AGBL1: variants seen among roughly 807,000 people sequenced by gnomAD.
AGBL1 encodes the protein AGBL carboxypeptidase 1.
Under a neutral mutation model 118.9 loss-of-function variants are expected in AGBL1, and 130 were observed. The ratio of observed to expected loss-of-function variants is 1.09; its 90% CI spans 0.95 to 1.26. AGBL1 has a LOEUF of 1.26. Ranked by LOEUF, AGBL1 falls within the 50% of genes most tolerant of loss-of-function variation. The probability of loss-of-function intolerance (pLI) is 0.00; values close to 1 mark genes in which losing one functional copy is unlikely to be tolerated. For synonymous variants in AGBL1, 555 were observed against 478.9 expected (o/e 1.16, Z -2.08); for missense variants, 1,584 against 1,298.1 (o/e 1.22, Z -3.38).
chr15:86,612,142 G>C (rs1205549844), intron 21 of AGBL1, among the ~76,000 whole-genome samples: 1 of 151,978 alleles, frequency 6.6e-6, no homozygotes, highest in Non-Finnish European at 1.5e-5. Flanking sequence ...TCACTTTTTG[G>C]GAGATTGTAG....
At chr15:86,556,935 A>G (rs1158356634) in intron 21 of AGBL1, among the ~76,000 whole-genome samples, 1 of 152,190 alleles carries the variant, frequency 6.6e-6, no homozygotes, top group Non-Finnish European at 1.5e-5. Context: ...CCTGATTTGT[A>G]AGTATTGAAA....
chr15:86,088,714 C>A (rs1258317100), intron 1 of AGBL1, among the ~76,000 whole-genome samples: 1 of 152,134 alleles, frequency 6.6e-6, no homozygotes, highest in Admixed American at 6.5e-5. Context: ...TACTATATTT[C>A]TTTACTAAAG....
intron 1 of AGBL1, 34 bp downstream of exon 1, chr15:86,080,057 G>C: frequency 1.6e-6 from 2 of 1,230,760 alleles, no homozygotes; most frequent in Non-Finnish European, 2.0e-6. Flanking sequence ...AGAACCCGGC[G>C]GGCTGGGTGT....
At chr15:86,146,872 C>T (rs1356381282) in intron 3 of AGBL1, among the ~76,000 whole-genome samples, 1 of 152,144 alleles carries the variant, frequency 6.6e-6, no homozygotes. Context: ...TCCAGAGGTA[C>T]ATATCAGTAA....
intron 22 of AGBL1, among the ~76,000 whole-genome samples, chr15:86,763,932 A>C (rs2078061337): frequency 6.6e-6 from 1 of 152,076 alleles, no homozygotes; most frequent in African/African-American, 2.4e-5. Context: ...TCTATTGTGA[A>C]TATCTGGAGA....
intron 3 of AGBL1, among the ~76,000 whole-genome samples, chr15:86,153,661 A>T (rs1363759436): frequency 2.0e-5 from 3 of 152,298 alleles, no homozygotes; most frequent in South Asian, 4.1e-4. Flanking sequence ...ATTATTTTTT[A>T]AAAAAGAAAG....
In AGBL1 at chr15:86,556,109, C is replaced by T. The variant is rs372368517; in HGVS notation, c.2994+1572C>T. On this transcript the variant is annotated intron_variant, in intron 21 of 22. Transcript: ENST00000614907. Reference sequence around the variant, plus strand: ...AATTCAAACAAACAGCTTCTAGTCACGTAAGTATCAGTGCCATTCACAATA... The same window carrying T: ...AATTCAAACAAACAGCTTCTAGTCATGTAAGTATCAGTGCCATTCACAATA... 2.9e-4 allele frequency: 216 copies of T among 748,084 alleles called. No homozygotes were observed. In the African/African-American group the frequency reaches 3.3e-3, roughly 11 times the overall value. The allele number at this position is 748,084 out of a possible 1,614,324, so 46.3% of individuals were successfully genotyped here.
chr15:86,886,561 T>G (rs1325218589), intron 22 of AGBL1, among the ~76,000 whole-genome samples: 1 of 152,174 alleles, frequency 6.6e-6, no homozygotes, highest in Non-Finnish European at 1.5e-5. Flanking sequence ...ATAAGAACCA[T>G]AAGGATTATG....
At chr15:86,347,773 T>G (rs2141894602) in intron 17 of AGBL1, among the ~76,000 whole-genome samples, 1 of 152,334 alleles carries the variant, frequency 6.6e-6, no homozygotes, top group Non-Finnish European at 1.5e-5. Flanking sequence ...GAATTTGAGC[T>G]TCATATCCCC....
intron 17 of AGBL1, among the ~76,000 whole-genome samples, chr15:86,355,897 C>G (rs776852782): frequency 2.6e-5 from 4 of 152,166 alleles, no homozygotes; most frequent in African/African-American, 2.4e-5. Context: ...ACAGCTCCTG[C>G]TTCATTCTTT....
At chr15:86,720,254 C>T (rs1054011613) in intron 22 of AGBL1, among the ~76,000 whole-genome samples, 2 of 152,146 alleles carry the variant, frequency 1.3e-5, no homozygotes, top group African/African-American at 4.8e-5. Context: ...GCACATTATT[C>T]CTTGTTAGTT....
intron 22 of AGBL1, among the ~76,000 whole-genome samples, chr15:86,836,271 C>T (rs1323245204): frequency 6.6e-6 from 1 of 152,104 alleles, no homozygotes; most frequent in Admixed American, 6.5e-5. Flanking sequence ...GAAAATAGAA[C>T]CTGATGAAAT....
chr15:86,837,718 A>G (rs546714270), intron 22 of AGBL1, among the ~76,000 whole-genome samples: 2 of 152,328 alleles, frequency 1.3e-5, no homozygotes, highest in African/African-American at 4.8e-5. Context: ...AATCCAGGAA[A>G]TTTGATAGTG....
chr15:86,447,546 G>A (rs921116559), intron 18 of AGBL1, among the ~76,000 whole-genome samples: 1 of 152,172 alleles, frequency 6.6e-6, no homozygotes, highest in Admixed American at 6.6e-5. Flanking sequence ...ATCAGTCAAA[G>A]TGTTTAAGTC....
At position 86,907,216 on chromosome 15, in the gene AGBL1, C is replaced by T. The variant is rs959386507; in HGVS notation, c.3288C>T (p.Ile1096=). The change falls in exon 23 of 23, where the codon ATC becomes ATT. Residue 1096 remains isoleucine (I), a synonymous_variant. Transcript: ENST00000614907. ...EGSLSELDRR[I]QECAFNKFEG... is the part of the protein sequence containing the mutation. ...GCTTGTCTGAGCTGGACCGGAGGATCCAGGAGTGTGCCTTCAATAAGTTTG... is the reference window on the plus strand; with the variant it reads ...GCTTGTCTGAGCTGGACCGGAGGATTCAGGAGTGTGCCTTCAATAAGTTTG... The T allele has an allele frequency of 2.6e-5, 4 of 152,266 alleles. No homozygotes were observed. The highest frequency in any genetic ancestry group is 1.9e-4 in the East Asian group (1 of 5,154). The allele number at this position is 152,266 out of a possible 1,614,324, so 9.4% of individuals were successfully genotyped here. A position where few individuals can be genotyped will look rare whatever the true frequency, so the allele number is the denominator to read the frequency against.
intron 17 of AGBL1, among the ~76,000 whole-genome samples, chr15:86,301,687 T>A (rs2079749334): frequency 1.1e-5 from 1 of 93,886 alleles, no homozygotes; most frequent in Non-Finnish European, 2.3e-5. Flanking sequence ...TGTGTGTGTG[T>A]GTGTGTGATG....
At chr15:86,623,120 C>A (rs536854994) in intron 21 of AGBL1, among the ~76,000 whole-genome samples, 27 of 152,258 alleles carry the variant, frequency 1.8e-4, no homozygotes, top group African/African-American at 6.3e-4. Flanking sequence ...ACTCTCTCAC[C>A]CTCCACTTAC....
chr15:86,183,416 A>G (rs1329183471), intron 5 of AGBL1, among the ~76,000 whole-genome samples: 1 of 152,140 alleles, frequency 6.6e-6, no homozygotes, highest in Non-Finnish European at 1.5e-5. Context: ...AAAATAGATG[A>G]TTTCCTATAA....
intron 21 of AGBL1, among the ~76,000 whole-genome samples, chr15:86,576,290 A>G (rs187070172): frequency 6.6e-6 from 1 of 152,306 alleles, no homozygotes; most frequent in African/African-American, 2.4e-5. Flanking sequence ...ATTTAGTAAA[A>G]TTTAATTGAG....
Sources: gnomAD v4.1 joint callset for allele counts (sites outside exome capture counted in the v4.1 genomes callset) on GRCh38, gnomAD v4.1.1 for gene constraint, MANE v1.5 for transcripts, NCBI Gene and HGNC (gene_info 2026-07-23, HGNC 2026-07-21) for gene names.